PRKCB: variants seen among roughly 807,000 people sequenced by gnomAD.
PRKCB encodes protein kinase C beta type.
PRKCB carries 13 observed loss-of-function variants against 81.5 expected under a neutral mutation model. That is an observed-to-expected ratio of 0.16 (90% CI 0.10 to 0.25). PRKCB has a LOEUF of 0.25. Ranked by LOEUF, PRKCB falls within the 10% of genes least tolerant of loss-of-function variation. PRKCB has a pLI of 1.00. For missense variants in PRKCB, 509 were observed against 875.7 expected (o/e 0.58, Z 5.29); for synonymous variants, 335 against 321.4 (o/e 1.04, Z -0.45).
rs374262731 is a variant in PRKCB, at chr16:24,006,846, AG to A, written c.288+18261del. 3.7e-3 allele frequency among the ~76,000 whole-genome samples: 564 copies of A among 150,768 alleles called. 1 individual carries two copies. The highest frequency in any genetic ancestry group is 0.012 in the African/African-American group (502 of 40,988). ...CTGATACGGGGAGCAGGGGGTGGGG[AG>A]GGGGAAGAAGGCACAGATGTTGCGC... On this transcript the variant is annotated intron_variant, in intron 3 of 16. Coordinates refer to ENST00000643927, the MANE Select transcript of PRKCB (RefSeq NM_002738.7).
At chr16:24,064,875 C>G (rs536998083) in intron 5 of PRKCB, among the ~76,000 whole-genome samples, 2 of 150,408 alleles carry the variant, frequency 1.3e-5, no homozygotes, top group South Asian at 4.2e-4. Flanking sequence ...GTAAATATAC[C>G]AGTTTTCTTT....
chr16:23,928,319 G>A (rs553308074), intron 2 of PRKCB, among the ~76,000 whole-genome samples: 17 of 151,912 alleles, frequency 1.1e-4, no homozygotes, highest in African/African-American at 3.6e-4. Context: ...GTAGAGACAC[G>A]GTTTCACCAT....
chr16:23,890,875 A>T (rs1963282111), intron 2 of PRKCB, among the ~76,000 whole-genome samples: 1 of 152,090 alleles, frequency 6.6e-6, no homozygotes, highest in Admixed American at 6.6e-5. Context: ...GCTCACCTGT[A>T]AGACTCTGAT....
chr16:23,958,608 T>G (rs1964382447), intron 2 of PRKCB, among the ~76,000 whole-genome samples: 1 of 152,136 alleles, frequency 6.6e-6, no homozygotes, highest in African/African-American at 2.4e-5. Context: ...CAGCCTCTTT[T>G]TATTATTATA....
chr16:23,890,365 G>A (rs982734472), intron 2 of PRKCB, among the ~76,000 whole-genome samples: 11 of 152,162 alleles, frequency 7.2e-5, no homozygotes, highest in African/African-American at 2.7e-4. Flanking sequence ...CTCTTCCTCT[G>A]AATCTTGTAG....
At chr16:23,928,021 C>A (rs1036492755) in intron 2 of PRKCB, among the ~76,000 whole-genome samples, 3 of 151,538 alleles carry the variant, frequency 2.0e-5, no homozygotes, top group African/African-American at 7.3e-5. Flanking sequence ...TAGATTCAGG[C>A]GAGAAGAGAG....
rs552093168 is a variant in PRKCB, at chr16:24,008,202, A to G, written c.288+19612A>G. ...GGTCACTTGTGAGAGGTCCAGCTCT[A>G]GGCCCTCTGGCCCGTGGGGCTATGC... On this transcript the variant is annotated intron_variant, in intron 3 of 16. Transcript: ENST00000643927. Among the ~76,000 whole-genome samples, 19 of 152,356 alleles carry G rather than the reference A, an allele frequency of 1.2e-4. No homozygotes were observed. In the East Asian group the frequency reaches 2.5e-3, roughly 20 times the overall value.
At chr16:24,033,668 A>G (rs1965577236) in intron 4 of PRKCB, among the ~76,000 whole-genome samples, 1 of 152,186 alleles carries the variant, frequency 6.6e-6, no homozygotes, top group South Asian at 2.1e-4. Flanking sequence ...AGGCTGAGGC[A>G]GGAAAATCAC....
chr16:23,992,876 T>C lies in PRKCB; in HGVS notation c.288+4286T>C, dbSNP rs1289438021. Among the ~76,000 whole-genome samples, 5 of 152,114 alleles carry C rather than the reference T, an allele frequency of 3.3e-5. No individual in the cohort carries two copies. In the East Asian group the frequency reaches 9.6e-4, roughly 29 times the overall value. Reference sequence around the variant, plus strand: ...AAGACCCTAATGAAGCTGGGGACATTGAGCCCCTAAATTCTGACAAGTCTT... The same window carrying C: ...AAGACCCTAATGAAGCTGGGGACATCGAGCCCCTAAATTCTGACAAGTCTT... On this transcript the variant is annotated intron_variant, in intron 3 of 16. Coordinates refer to ENST00000643927, the MANE Select transcript of PRKCB (RefSeq NM_002738.7).
At chr16:24,041,673 C>A (rs1162612021) in intron 5 of PRKCB, among the ~76,000 whole-genome samples, 1 of 152,088 alleles carries the variant, frequency 6.6e-6, no homozygotes, top group East Asian at 1.9e-4. Flanking sequence ...TTCTTAAGAT[C>A]TGACATCCAC....
At chr16:24,212,994 C>T (rs1328608194) in intron 16 of PRKCB, among the ~76,000 whole-genome samples, 1 of 151,268 alleles carries the variant, frequency 6.6e-6, no homozygotes, top group East Asian at 1.9e-4. Flanking sequence ...ACCAGGCTGC[C>T]ACCGTACTTG....
intron 7 of PRKCB, among the ~76,000 whole-genome samples, chr16:24,097,741 A>G (rs909594453): frequency 6.6e-6 from 1 of 152,194 alleles, no homozygotes; most frequent in Non-Finnish European, 1.5e-5. Context: ...CATTGGCTCA[A>G]TCTGGAAAGG....
intron 7 of PRKCB, among the ~76,000 whole-genome samples, chr16:24,108,283 ATTTT>A (rs140308202): frequency 8.6e-6 from 1 of 116,306 alleles, no homozygotes; most frequent in Admixed American, 7.8e-5. Context: ...TTATTTATTT[ATTTT>A]TTTTATTATT....
intron 2 of PRKCB, among the ~76,000 whole-genome samples, chr16:23,875,999 C>T (rs377129012): frequency 1.3e-5 from 2 of 152,100 alleles, no homozygotes; most frequent in East Asian, 3.9e-4. Flanking sequence ...ATGCTATATG[C>T]CTCATTTTAT....
At chr16:23,899,603 A>ACTCTCTCT (rs370318979) in intron 2 of PRKCB, among the ~76,000 whole-genome samples, 1 of 45,566 alleles carries the variant, frequency 2.2e-5, no homozygotes, top group African/African-American at 6.9e-5. Context: ...ATCCATAAGA[A>ACTCTCTCT]CTCTCTCTCT....
At chr16:24,183,106 C>A (rs146261882) in intron 13 of PRKCB, among the ~76,000 whole-genome samples, 1 of 152,134 alleles carries the variant, frequency 6.6e-6, no homozygotes, top group African/African-American at 2.4e-5. Context: ...GTGATCCGCC[C>A]GCCTCGGCCT....
intron 5 of PRKCB, among the ~76,000 whole-genome samples, chr16:24,080,070 T>A (rs960439088): frequency 3.9e-5 from 6 of 152,146 alleles, no homozygotes; most frequent in Non-Finnish European, 2.9e-5. Context: ...GTTTGAAGAG[T>A]GTGCGATCGG....
intron 2 of PRKCB, among the ~76,000 whole-genome samples, chr16:23,949,216 CAAAA>C (rs1029060223): frequency 6.6e-5 from 10 of 152,040 alleles, no homozygotes; most frequent in Middle Eastern, 3.2e-3. Flanking sequence ...AACGAACAAA[CAAAA>C]GAAAGAAAGA....
intron 9 of PRKCB, among the ~76,000 whole-genome samples, chr16:24,132,092 C>G (rs1243884935): frequency 6.6e-6 from 1 of 152,210 alleles, no homozygotes; most frequent in African/African-American, 2.4e-5. Flanking sequence ...TATATCCAGA[C>G]AGCAAAGCTA....
Sources: gnomAD v4.1 joint callset for allele counts (sites outside exome capture counted in the v4.1 genomes callset) on GRCh38, gnomAD v4.1.1 for gene constraint, MANE v1.5 for transcripts, NCBI Gene and HGNC (gene_info 2026-07-23, HGNC 2026-07-21) for gene names.